The following PIK3R3 variants were observed in gnomAD, a reference collection of about 807,000 sequenced individuals.
The protein encoded by PIK3R3 is phosphoinositide-3-kinase regulatory subunit 3, also known as phosphatidylinositol 3-kinase regulatory subunit gamma.
PIK3R3 carries 64 observed loss-of-function variants against 62.9 expected under a neutral mutation model. The ratio of observed to expected loss-of-function variants is 1.02; its 90% CI spans 0.83 to 1.25. PIK3R3 has a LOEUF of 1.25. Ranked by LOEUF, PIK3R3 falls within the 50% of genes most tolerant of loss-of-function variation. The pLI, the probability that PIK3R3 is intolerant of heterozygous loss-of-function variation, is 0.00. For missense variants in PIK3R3, 614 were observed against 561.6 expected, an observed-to-expected ratio of 1.09 and a Z score of -0.94; for synonymous variants, 165 against 189.0, an observed-to-expected ratio of 0.87 and a Z score of 1.04.
rs771431827 is a variant in PIK3R3, at chr1:46,131,916, C to A, written c.37G>T (p.Ala13Ser). The change falls in exon 1 of 10, where the codon GCA becomes TCA. Residue 13 changes from alanine (A) to serine (S), a missense_variant. Physicochemically the swap from Ala to Ser is moderately conservative, Grantham distance 99. Coordinates refer to ENST00000262741, the MANE Select transcript of PIK3R3 (RefSeq NM_003629.4). Reference protein sequence around the residue: ...NTVWSMDRDDADWREVMMPYS... With the variant: ...NTVWSMDRDDSDWREVMMPYS... ...GGCATCATCACCTCCCTCCAGTCTGCGTCATCGCGGTCCATACTCCACACC... is the reference window on the plus strand; with the variant it reads ...GGCATCATCACCTCCCTCCAGTCTGAGTCATCGCGGTCCATACTCCACACC... 2 of 1,613,566 alleles carry A rather than the reference C, an allele frequency of 1.2e-6. No individual in the cohort carries two copies.
intron 7 of PIK3R3, among the ~76,000 whole-genome samples, chr1:46,052,011 G>A (rs1001529260): frequency 3.3e-5 from 5 of 152,074 alleles, no homozygotes; most frequent in Non-Finnish European, 7.4e-5. Context: ...GGTGGCAGGC[G>A]CCTGTAGTCC....
intron 2 of PIK3R3, among the ~76,000 whole-genome samples, chr1:46,080,101 G>A (rs9988448): frequency 2.8e-5 from 4 of 144,126 alleles, no homozygotes; most frequent in Non-Finnish European, 4.5e-5. Flanking sequence ...TCACTCTGTC[G>A]CCCAGGCTGG....
At chr1:46,135,753 C>T (rs564800241), upstream of PIK3R3, among the ~76,000 whole-genome samples, 3 of 151,738 alleles carry the variant, frequency 2.0e-5, no homozygotes, top group Admixed American at 6.6e-5. Flanking sequence ...AAAATGGGGC[C>T]GGGCACGGTG....
rs35844006 is a variant in PIK3R3 at position 46,075,621 on chromosome 1, T to TAA, written c.314+1892_314+1893dup. Among the ~76,000 whole-genome samples the TAA allele has an allele frequency of 1.6e-3, 233 of 146,276 alleles. 1 individual carries two copies. Among genetic ancestry groups the TAA allele is most frequent in the African/African-American group, 3.9e-3 (155 of 39,652 alleles). On this transcript the variant is annotated intron_variant, in intron 3 of 9. Coordinates refer to ENST00000262741, the MANE Select transcript of PIK3R3 (RefSeq NM_003629.4). ...TAGGAGACAGAGCAATAACCTGTGT[T>TAA]AAAAAAAAAAAAAATTACCTTCCTC...
At chr1:46,133,085 A>G, upstream of PIK3R3, 1 of 980,150 alleles carries the variant, frequency 1.0e-6, no homozygotes, top group Non-Finnish European at 1.2e-6. Flanking sequence ...CCTGCGAAGG[A>G]GCGGGAGACG....
intron 1 of PIK3R3, among the ~76,000 whole-genome samples, chr1:46,099,059 A>G (rs1416102084): frequency 6.6e-6 from 1 of 152,188 alleles, no homozygotes; most frequent in East Asian, 1.9e-4. Context: ...TTCTGGAATA[A>G]GATAGTTGTA....
At chr1:46,171,860 T>C in the PIK3R3 span, among the ~76,000 whole-genome samples, 1 of 152,148 alleles carries the variant, frequency 6.6e-6, no homozygotes, top group African/African-American at 2.4e-5. Flanking sequence ...AGCTGTTCTC[T>C]TCACGGTCCA....
the PIK3R3 span, among the ~76,000 whole-genome samples, chr1:46,140,590 A>G: frequency 6.6e-6 from 1 of 152,182 alleles, no homozygotes; most frequent in Non-Finnish European, 1.5e-5. Flanking sequence ...TAAGAAAAAC[A>G]GAGGGAGATT....
intron 7 of PIK3R3, among the ~76,000 whole-genome samples, chr1:46,050,182 CAT>C (rs1185282047): frequency 6.7e-6 from 1 of 149,860 alleles, no homozygotes; most frequent in Non-Finnish European, 1.5e-5. Flanking sequence ...TATGGACAGA[CAT>C]ATTCTCTACA....
At chr1:46,151,605 AGCTCTAG>A in the PIK3R3 span, among the ~76,000 whole-genome samples, 1 of 152,184 alleles carries the variant, frequency 6.6e-6, no homozygotes, top group Non-Finnish European at 1.5e-5. Context: ...AGACAGATCA[AGCTCTAG>A]GCCCATTCCT....
chr1:46,141,427 C>T, the PIK3R3 span, among the ~76,000 whole-genome samples: 3 of 152,006 alleles, frequency 2.0e-5, no homozygotes, highest in South Asian at 2.1e-4. Context: ...CCCACCACCA[C>T]GCCCAGCTAA....
the PIK3R3 span, among the ~76,000 whole-genome samples, chr1:46,152,005 C>T: frequency 6.6e-6 from 1 of 152,218 alleles, no homozygotes; most frequent in African/African-American, 2.4e-5. Flanking sequence ...CCTGGAACAG[C>T]ACTAAAACTC....
At chr1:46,122,288 T>C (rs1477406530) in intron 1 of PIK3R3, among the ~76,000 whole-genome samples, 1 of 152,166 alleles carries the variant, frequency 6.6e-6, no homozygotes, top group Non-Finnish European at 1.5e-5. Context: ...AATTAAGTGG[T>C]ATAATAACAC....
chr1:46,063,940 C>T (rs918140010), intron 5 of PIK3R3, among the ~76,000 whole-genome samples: 25 of 152,182 alleles, frequency 1.6e-4, no homozygotes, highest in African/African-American at 3.6e-4. Flanking sequence ...GGCTGGGCAC[C>T]GGTGGCTTAC....
intron 1 of PIK3R3, among the ~76,000 whole-genome samples, chr1:46,115,930 T>C (rs908866910): frequency 3.3e-5 from 5 of 152,038 alleles, no homozygotes; most frequent in Admixed American, 1.3e-4. Flanking sequence ...AGAAACTTAA[T>C]AGGTTTGAGA....
At chr1:46,048,759 C>T (rs1171814779) in intron 7 of PIK3R3, among the ~76,000 whole-genome samples, 3 of 152,062 alleles carry the variant, frequency 2.0e-5, no homozygotes, top group Admixed American at 6.6e-5. Context: ...TGCTTTTGCT[C>T]CACCCTCCAT....
chr1:46,139,890 A>C, the PIK3R3 span, among the ~76,000 whole-genome samples: 1 of 152,158 alleles, frequency 6.6e-6, no homozygotes, highest in South Asian at 2.1e-4. Context: ...CTACCCTGAC[A>C]TAGGGGCATG....
intron 1 of PIK3R3, among the ~76,000 whole-genome samples, chr1:46,102,906 G>C (rs1367413549): frequency 2.0e-5 from 3 of 149,668 alleles, no homozygotes; most frequent in African/African-American, 7.4e-5. Context: ...CAATAGCTAA[G>C]AGGTGGAAGC....
At chr1:46,089,686 G>C (rs1651428496) in intron 1 of PIK3R3, among the ~76,000 whole-genome samples, 1 of 148,274 alleles carries the variant, frequency 6.7e-6, no homozygotes, top group African/African-American at 2.5e-5. Flanking sequence ...CTGCACTCCA[G>C]CCTAGGCAAC....
Sources: gnomAD v4.1 joint callset for allele counts (sites outside exome capture counted in the v4.1 genomes callset) on GRCh38, gnomAD v4.1.1 for gene constraint, MANE v1.5 for transcripts, NCBI Gene and HGNC (gene_info 2026-07-23, HGNC 2026-07-21) for gene names.